MKNK2: variants seen among roughly 807,000 people sequenced by gnomAD.
The protein encoded by MKNK2 is MAP kinase-interacting serine/threonine-protein kinase 2.
MKNK2 carries 54 observed loss-of-function variants against 55.0 expected under a neutral mutation model. The ratio of observed to expected loss-of-function variants is 0.98; its 90% CI spans 0.79 to 1.23. The LOEUF (loss-of-function observed/expected upper bound fraction) is 1.23. Among genes scored for constraint, MKNK2 ranks in the 50% most tolerant of loss-of-function variants. The pLI is 0.00. For synonymous variants in MKNK2, 323 were observed against 256.0 expected, an observed-to-expected ratio of 1.26 and a Z score of -2.50; for missense variants, 685 against 632.1, an observed-to-expected ratio of 1.08 and a Z score of -0.90.
rs1483411819 is a variant in MKNK2, at chr19:2,046,666, A to G, written c.77T>C (p.Phe26Ser). Residue 26 changes from phenylalanine (F) to serine (S), a missense_variant, in exon 3 of 14, where the codon TTC becomes TCC. By Grantham distance (155) the Phe-to-Ser change is radical. Transcript: ENST00000250896. ...FKGQNPFELA[F>S]SLDQPDHGDS... ...TCCGTGGTCGGGCTGGTCTAGGGAG[A>G]AGGCCAGCTCGAAGGGGTTCTGCCC... The G allele has an allele frequency of 8.4e-6, 13 of 1,547,312 alleles. No individual in the cohort carries two copies. In the Admixed American group the frequency reaches 2.8e-4, roughly 33 times the overall value.
chr19:2,048,972 C>T (rs981521037), intron 2 of MKNK2, among the ~76,000 whole-genome samples: 1 of 152,176 alleles, frequency 6.6e-6, no homozygotes. Flanking sequence ...GGTCTGTCAG[C>T]GGTGAGACGG....
intron 5 of MKNK2, among the ~76,000 whole-genome samples, chr19:2,043,838 G>A (rs2016944512): frequency 6.6e-6 from 1 of 152,056 alleles, no homozygotes; most frequent in Non-Finnish European, 1.5e-5. Context: ...GCTGGGTGTG[G>A]TGGTACACGC....
At chr19:2,044,611 A>C (rs2016959908) in intron 5 of MKNK2, among the ~76,000 whole-genome samples, 1 of 152,188 alleles carries the variant, frequency 6.6e-6, no homozygotes, top group Admixed American at 6.5e-5. Context: ...GGCAGCAGGG[A>C]TGTGGCATTC....
At chr19:2,047,310 G>C (rs1275602017) in intron 2 of MKNK2, among the ~76,000 whole-genome samples, 1 of 152,196 alleles carries the variant, frequency 6.6e-6, no homozygotes, top group Non-Finnish European at 1.5e-5. Context: ...CAGTGCCCAG[G>C]ACAGCCCCAC....
In MKNK2 at chr19:2,046,592, C is replaced by G. The variant is rs769352945; in HGVS notation, c.139+12G>C. On this transcript the variant is annotated intron_variant, in intron 3 of 13. Transcript: ENST00000250896. ...AGCTGCCCTGTGCCCTCCTCCCCCTCGGGCCCCTCACCAGGGCGGGCTGAG... is the reference window on the plus strand; with the variant it reads ...AGCTGCCCTGTGCCCTCCTCCCCCTGGGGCCCCTCACCAGGGCGGGCTGAG... The G allele has an allele frequency of 2.8e-5, 43 of 1,560,920 alleles. No homozygotes were observed. Among genetic ancestry groups the G allele is most frequent in the Non-Finnish European group, 3.5e-5 (40 of 1,153,442 alleles).
rs141972242 is a variant in MKNK2, at chr19:2,038,020, C to T, written c.*1593G>A. On this transcript the variant is annotated 3_prime_UTR_variant, in exon 14 of 14. Transcript: ENST00000250896. The stretch of plus-strand genomic sequence containing the variant: ...AGAAGTGATGGGGGAAAGGGGTGGG[C>T]GGAATGCCCCACCCCCCCCAGGGGT... The T allele has an allele frequency of 8.2e-3, 10,835 of 1,324,298 alleles. 63 individuals carry two copies. The highest frequency in any genetic ancestry group is 0.03 in the Middle Eastern group (101 of 3,356). 82.0% of individuals were successfully genotyped at this position (1,324,298 alleles called of 1,614,324 possible).
rs545582695 is a variant in MKNK2, at chr19:2,045,126, C to T, written c.339+1060G>A. Among the ~76,000 whole-genome samples, 5 of 152,310 alleles carry T rather than the reference C, an allele frequency of 3.3e-5. No homozygotes were observed. In the South Asian group the frequency reaches 1.0e-3, roughly 32 times the overall value. ...CCCGGACGTCAGTGGCCAACAACAC[C>T]TCCAGCAGGAAGTCCCCCAGGCTCT... On this transcript the variant is annotated intron_variant, in intron 5 of 13. Coordinates refer to ENST00000250896, the MANE Select transcript of MKNK2 (RefSeq NM_199054.3).
At chr19:2,041,482 C>G (rs546572270) in intron 11 of MKNK2, among the ~76,000 whole-genome samples, 7 of 152,148 alleles carry the variant, frequency 4.6e-5, no homozygotes, top group Non-Finnish European at 8.8e-5. Context: ...CCTGATCCCC[C>G]CAAACCAGGG....
At position 2,043,602 on chromosome 19, in the gene MKNK2, A is replaced by G. The variant is rs749028558; in HGVS notation, c.340-20T>C. 9 of 1,612,590 alleles carry G rather than the reference A, an allele frequency of 5.6e-6. No individual in the cohort carries two copies. In the East Asian group the frequency reaches 6.7e-5, roughly 12 times the overall value. On this transcript the variant is annotated intron_variant, in intron 5 of 13. Coordinates refer to ENST00000250896, the MANE Select transcript of MKNK2 (RefSeq NM_199054.3). ...AATGATCTGAAACAGGCGAAAGGAC[A>G]CAGCACCTGGGTTGGTGGGACGCTC...
chr19:2,040,311 G>T, intron 12 of MKNK2, 134 bp from the exon 13 acceptor site: 1 of 788,198 alleles, frequency 1.3e-6, no homozygotes, highest in Non-Finnish European at 1.9e-6. Context: ...AGTGCACCTG[G>T]GTGCCCCGGG....
In MKNK2 at chr19:2,041,944, G is replaced by C; in HGVS notation, c.841C>G (p.Leu281Val). The C allele has an allele frequency of 6.4e-7, 1 of 1,557,038 alleles. No individual in the cohort carries two copies. The highest frequency in any genetic ancestry group is 8.7e-7 in the Non-Finnish European group (1 of 1,150,416). Residue 281 changes from leucine to valine, a missense_variant, in exon 11 of 14, where the codon CTG becomes GTG. Leu to Val is a conservative substitution (Grantham distance 32). Transcript: ENST00000250896. Reference sequence around the variant, plus strand: ...AGTAGGATATACAAGATGACGCCCAGGCTCCACAGGTCGCAGCGCTTGTCG... The same window carrying C: ...AGTAGGATATACAAGATGACGCCCACGCTCCACAGGTCGCAGCGCTTGTCG... ...IYDKRCDLWS[L>V]GVILYILLSG...
intron 12 of MKNK2, chr19:2,040,415 A>G: frequency 1.9e-6 from 1 of 521,678 alleles, no homozygotes; most frequent in Non-Finnish European, 3.4e-6. Flanking sequence ...CTGGTGTTAC[A>G]GGACCCAGTG....
chr19:2,043,498 C>T lies in MKNK2; in HGVS notation c.419+5G>A, dbSNP rs1568237549. The T allele has an allele frequency of 2.1e-5, 34 of 1,613,356 alleles. No individual in the cohort carries two copies. The highest frequency in any genetic ancestry group is 2.9e-5 in the Non-Finnish European group (34 of 1,179,476). On this transcript the variant is annotated splice_donor_5th_base_variant and intron_variant, in intron 6 of 13. Coordinates refer to ENST00000250896, the MANE Select transcript of MKNK2 (RefSeq NM_199054.3). Reference sequence around the variant, plus strand: ...CCAGTGCGGTGGCAAGGGTGGCTCACCTACCTGTGTCCCTGGCACTGGTAC... The same window carrying T: ...CCAGTGCGGTGGCAAGGGTGGCTCATCTACCTGTGTCCCTGGCACTGGTAC...
intron 2 of MKNK2, among the ~76,000 whole-genome samples, chr19:2,050,467 C>G (rs2017090258): frequency 6.6e-6 from 1 of 152,266 alleles, no homozygotes; most frequent in Non-Finnish European, 1.5e-5. Context: ...GGACTGCAGC[C>G]TGCTGACCCC....
rs2016892107 is a variant in MKNK2, at chr19:2,041,873, G to A, written c.912C>T (p.Gly304=). The change falls in exon 11 of 14, where the codon GGC becomes GGT. Residue 304 remains glycine (G), a synonymous_variant. Coordinates refer to ENST00000250896, the MANE Select transcript of MKNK2 (RefSeq NM_199054.3). The part of the protein sequence containing the change: ...PFVGRCGSDC[G]WDRGEACPAC... ...CAGGGCAGGCCTCGCCGCGGTCCCA[G>A]CCGCAGTCGCTGCCACAGCGGCCCA... The A allele has an allele frequency of 1.9e-6, 3 of 1,541,020 alleles. No homozygotes were observed. The highest frequency in any genetic ancestry group is 1.4e-5 in the African/African-American group (1 of 72,164).
At chr19:2,042,362 C>A (rs993710025) in intron 10 of MKNK2, 65 bp downstream of exon 10, 4 of 1,417,646 alleles carry the variant, frequency 2.8e-6, no homozygotes, top group Non-Finnish European at 1.9e-6. Context: ...ATGGCCCAGG[C>A]TCCGCGAGGT....
intron 10 of MKNK2, 193 bp downstream of exon 10, chr19:2,042,234 C>T (rs1021852310): frequency 4.2e-6 from 3 of 717,986 alleles, no homozygotes; most frequent in African/African-American, 1.9e-5. Context: ...CCCCGCCCCA[C>T]CCGGCCAAAC....
In MKNK2 at chr19:2,038,092, G is replaced by A. The variant is rs1472076735; in HGVS notation, c.*1521C>T. On this transcript the variant is annotated 3_prime_UTR_variant, in exon 14 of 14. Coordinates refer to ENST00000250896, the MANE Select transcript of MKNK2 (RefSeq NM_199054.3). ...GATATGGGCAGTGGGGACCAGGGAAGGCAGAGCACCCCCACGGCCACCGGA... is the reference window on the plus strand; with the variant it reads ...GATATGGGCAGTGGGGACCAGGGAAAGCAGAGCACCCCCACGGCCACCGGA... The A allele has an allele frequency of 1.1e-5, 12 of 1,140,524 alleles. No individual in the cohort carries two copies. Among genetic ancestry groups the A allele is most frequent in the Non-Finnish European group, 1.2e-5 (11 of 926,074 alleles). 70.7% of individuals were successfully genotyped at this position (1,140,524 alleles called of 1,614,324 possible).
chr19:2,042,360 G>C, intron 10 of MKNK2, 67 bp downstream of exon 10: 1 of 1,393,940 alleles, frequency 7.2e-7, no homozygotes, highest in Admixed American at 2.0e-5. Flanking sequence ...GGATGGCCCA[G>C]GCTCCGCGAG....
Sources: allele counts gnomAD v4.1 joint callset (sites outside exome capture counted in the v4.1 genomes callset), GRCh38; gene constraint gnomAD v4.1.1; transcripts MANE v1.5; gene names NCBI Gene and HGNC (gene_info 2026-07-23, HGNC 2026-07-21).